The following KCP variants were observed in gnomAD, a reference collection of about 807,000 sequenced individuals.
KCP encodes the protein kielin cysteine rich BMP regulator, also known as kielin/chordin-like protein.
A neutral mutation model predicts 212.7 loss-of-function variants in KCP; 194 were observed. The observed-to-expected ratio is 0.91, with a 90% CI of 0.81 to 1.03. The LOEUF is 1.03. KCP is among the 50% of genes least tolerant of loss of function. The probability of loss-of-function intolerance (pLI) is 0.00; values close to 1 mark genes in which losing one functional copy is unlikely to be tolerated. For missense variants in KCP, 2,080 were observed against 2,162.5 expected (o/e 0.96, Z 0.76); for synonymous variants, 833 against 865.3 (o/e 0.96, Z 0.65).
chr7:128,888,824 G>C (rs768994183), intron 22 of KCP, 39 bp downstream of exon 22: 2 of 1,531,128 alleles, frequency 1.3e-6, no homozygotes, highest in Non-Finnish European at 1.8e-6. Context: ...CACCCCGGGA[G>C]CCCCAGCAGG....
chr7:128,888,325 G>GAAA, intron 22 of KCP, among the ~76,000 whole-genome samples: 1 of 77,274 alleles, frequency 1.3e-5, no homozygotes, highest in Non-Finnish European at 2.7e-5. Context: ...CCCACACAGA[G>GAAA]CAACACACAC....
chr7:128,900,710 G>A (rs1437243212), intron 8 of KCP, among the ~76,000 whole-genome samples: 2 of 152,234 alleles, frequency 1.3e-5, no homozygotes, highest in Non-Finnish European at 2.9e-5. Flanking sequence ...CCCTCGCCAT[G>A]CCGATGCTTT....
At position 128,903,881 on chromosome 7, in the gene KCP, G is replaced by T; in HGVS notation, c.655-61C>A. 2.4e-6 allele frequency: 3 copies of T among 1,247,768 alleles called. No individual in the cohort carries two copies. In the South Asian group the frequency reaches 3.8e-5, roughly 16 times the overall value. 77.3% of individuals were successfully genotyped at this position (1,247,768 alleles called of 1,614,324 possible). A position where few individuals can be genotyped will look rare whatever the true frequency, so the allele number is the denominator to read the frequency against. On this transcript the variant is annotated intron_variant, in intron 6 of 39. Coordinates refer to ENST00000610776, the MANE Select transcript of KCP (RefSeq NM_001366122.1). Reference sequence around the variant, plus strand: ...GGCTCCCGCAGAGGGCTGGGTGGGCGGGTGTTGGGCACCCTCGGAGGAGGG... The same window carrying T: ...GGCTCCCGCAGAGGGCTGGGTGGGCTGGTGTTGGGCACCCTCGGAGGAGGG...
chr7:128,903,648 G>T, intron 7 of KCP, 79 bp downstream of exon 7: 2 of 1,234,104 alleles, frequency 1.6e-6, no homozygotes, highest in Non-Finnish European at 2.2e-6. Context: ...CTGGAGGCCG[G>T]CAAGGTGGGC....
At chr7:128,889,154 T>C in intron 21 of KCP, 115 bp from the exon 22 acceptor site, 1 of 403,106 alleles carries the variant, frequency 2.5e-6, no homozygotes. Context: ...AGATCTAGCG[T>C]GGGGGCTGGG....
Position 128,879,931 on chromosome 7 carries a change from C to A in KCP, c.3914G>T (p.Cys1305Phe). ...GSCSYVLAKD[C>F]HSGDFSVHVT... ...TGCACACCTGAAGTCCCCGCTGTGG[C>A]AGTCCTTGGCCAGCACATAGCTGCA... The change falls in exon 35 of 40, where the codon TGC (cysteine) becomes TTC (phenylalanine). Residue 1305 changes from cysteine (C) to phenylalanine (F), a missense_variant. Physicochemically the swap from Cys to Phe is radical, Grantham distance 205. Coordinates refer to ENST00000610776, the MANE Select transcript of KCP (RefSeq NM_001366122.1). 1.9e-6 allele frequency: 3 copies of A among 1,551,110 alleles called. No individual in the cohort carries two copies. Among genetic ancestry groups the A allele is most frequent in the Non-Finnish European group, 2.6e-6 (3 of 1,146,976 alleles).
At chr7:128,897,590 A>C (rs1794603929) in intron 8 of KCP, among the ~76,000 whole-genome samples, 1 of 152,264 alleles carries the variant, frequency 6.6e-6, no homozygotes, top group Non-Finnish European at 1.5e-5. Flanking sequence ...ATCTTTGGGA[A>C]ATAAGGACAG....
rs1235638829 is a variant in KCP, at chr7:128,878,608, G to A, written c.4261C>T (p.Pro1421Ser). 6.4e-7 allele frequency: 1 copy of A among 1,551,518 alleles called. No homozygotes were observed. Among genetic ancestry groups the A allele is most frequent in the South Asian group, 1.2e-5 (1 of 84,066 alleles). Residue 1421 changes from proline (P) to serine (S), a missense_variant, in exon 38 of 40, where the codon CCT (proline) becomes TCT (serine). Physicochemically the swap from Pro to Ser is moderately conservative, Grantham distance 74. Coordinates refer to ENST00000610776, the MANE Select transcript of KCP (RefSeq NM_001366122.1). ...TCCGAGGGCAGGAGCAGCCCCTCAG[G>A]GCCCTGCAGATCGTCCTGGGCAAAG... ...NGFAQDDLQG[P>S]EGLLLPSEAA...
intron 22 of KCP, among the ~76,000 whole-genome samples, chr7:128,887,749 A>G (rs952014324): frequency 2.7e-5 from 4 of 148,236 alleles, no homozygotes; most frequent in South Asian, 4.2e-4. Context: ...ACTCTCATAC[A>G]CACACACATA....
Position 128,892,964 on chromosome 7 carries a change from C to T in KCP, c.1325G>A (p.Arg442Gln), listed in dbSNP as rs201434609. The change falls in exon 14 of 40, where the codon CGG becomes CAG. Residue 442 changes from arginine to glutamine, a missense_variant. Transcript: ENST00000610776. ...AEGVQWEPDG[R>Q]PCTACVCQDG... ...TTGACAGACGCAGGCGGTGCAGGGC[C>T]GACCATCAGGCTCCCACTGGACTCC... is the stretch of plus-strand genomic sequence containing the variant. The T allele has an allele frequency of 2.4e-4, 298 of 1,258,506 alleles. No individual in the cohort carries two copies. The highest frequency in any genetic ancestry group is 3.1e-4 in the Non-Finnish European group (269 of 879,428). The allele number at this position is 1,258,506 out of a possible 1,614,324, so 78.0% of individuals were successfully genotyped here. A position where few individuals can be genotyped will look rare whatever the true frequency, so the allele number is the denominator to read the frequency against.
Position 128,879,759 on chromosome 7 carries a change from C to T in KCP, c.4003G>A (p.Gly1335Arg), listed in dbSNP as rs558161406. The change falls in exon 36 of 40, where the codon GGA (glycine) becomes AGA (arginine). Residue 1335 changes from glycine to arginine, a missense_variant. Physicochemically the swap from Gly to Arg is moderately radical, Grantham distance 125 (BLOSUM62 -2). Transcript: ENST00000610776. ...TGCAGCAGCCGCACGGCCATGTCTC[C>T]CAGCAGCACCGCCACCTCCTGGGTC... ...AWTQEVAVLL[G>R]DMAVRLLQDG... 1 of 1,550,414 alleles carries T rather than the reference C, an allele frequency of 6.4e-7. No individual in the cohort carries two copies.
At chr7:128,891,945 C>CCATGTGCACA in intron 16 of KCP, 126 bp from the exon 17 acceptor site, 1 of 671,960 alleles carries the variant, frequency 1.5e-6, no homozygotes, top group African/African-American at 1.8e-5. Flanking sequence ...GAGGAAGTGG[C>CCATGTGCACA]CATGTGCACA....
At chr7:128,879,258 G>A (rs1192805713) in intron 37 of KCP, 24 of 496,368 alleles carry the variant, frequency 4.8e-5, no homozygotes, top group South Asian at 2.3e-4. Context: ...CTTTACAGAC[G>A]AGAAATCTGT....
Position 128,891,819 on chromosome 7 carries a change from T to A in KCP, c.1622A>T (p.Asp541Val), listed in dbSNP as rs1239898750. Residue 541 changes from aspartate to valine, a missense_variant and splice_region_variant, in exon 17 of 40, where the codon GAC becomes GTC. By Grantham distance (152) the Asp-to-Val change is radical. Transcript: ENST00000610776. Reference sequence around the variant, plus strand: ...AAACACCTCTTCCTCCAGGATGCAGTCTGGGCAGTGGATGGTGGGGGCAGG... The same window carrying A: ...AAACACCTCTTCCTCCAGGATGCAGACTGGGCAGTGGATGGTGGGGGCAGG... ...GPGQCCPRCP[D>V]CILEEEVFVD... 6.9e-7 allele frequency: 1 copy of A among 1,444,786 alleles called. No individual in the cohort carries two copies. The highest frequency in any genetic ancestry group is 9.1e-7 in the Non-Finnish European group (1 of 1,096,536). 89.5% of individuals were successfully genotyped at this position (1,444,786 alleles called of 1,614,324 possible). A position where few individuals can be genotyped will look rare whatever the true frequency, so the allele number is the denominator to read the frequency against.
Position 128,889,026 on chromosome 7 carries a change from C to T in KCP, c.2349G>A (p.Leu783=), listed in dbSNP as rs1793920029. 4.0e-6 allele frequency: 6 copies of T among 1,507,674 alleles called. No homozygotes were observed. Among genetic ancestry groups the T allele is most frequent in the East Asian group, 2.5e-5 (1 of 40,280 alleles). 93.4% of individuals were successfully genotyped at this position (1,507,674 alleles called of 1,614,324 possible). A position where few individuals can be genotyped will look rare whatever the true frequency, so the allele number is the denominator to read the frequency against. ...CCTGGTTACTCAGGTAGGACTCCCC[C>T]AGGTACTCACAGCCTTTCAGAGAAG... ...CCPDCDGCEY[L]GESYLSNQEF... is the part of the protein sequence containing the mutation. Residue 783 remains leucine, a synonymous_variant, in exon 22 of 40, where the codon CTG becomes CTA. Transcript: ENST00000610776.
chr7:128,886,100 CTT>C (rs994944103), intron 26 of KCP, among the ~76,000 whole-genome samples: 55 of 152,254 alleles, frequency 3.6e-4, no homozygotes, highest in Non-Finnish European at 5.7e-4. Flanking sequence ...ACAGAGTCTT[CTT>C]TGTTGCCCAG....
intron 8 of KCP, among the ~76,000 whole-genome samples, chr7:128,897,811 A>G (rs1794616746): frequency 1.3e-5 from 2 of 152,228 alleles, no homozygotes; most frequent in African/African-American, 4.8e-5. Flanking sequence ...CTATGCAAAG[A>G]AGGTTATAAA....
intron 28 of KCP, 107 bp downstream of exon 28, chr7:128,884,674 C>G: frequency 2.9e-6 from 3 of 1,039,780 alleles, no homozygotes; most frequent in Non-Finnish European, 4.3e-6. Flanking sequence ...TCCTTTGGCC[C>G]CCAGAGTGCC....
chr7:128,879,377 C>T, intron 37 of KCP, 145 bp downstream of exon 37: 1 of 636,516 alleles, frequency 1.6e-6, no homozygotes, highest in South Asian at 1.9e-5. Context: ...CCCTGATCCA[C>T]CTCCCCTCAC....
Sources: gnomAD v4.1 joint callset for allele counts (sites outside exome capture counted in the v4.1 genomes callset) on GRCh38, gnomAD v4.1.1 for gene constraint, MANE v1.5 for transcripts, NCBI Gene and HGNC (gene_info 2026-07-23, HGNC 2026-07-21) for gene names.